The following ARHGEF10 variants were observed in gnomAD, a reference collection of about 807,000 sequenced individuals.
ARHGEF10 encodes the protein Rho guanine nucleotide exchange factor 10, also known as Rho guanine nucleotide exchange factor (GEF) 10.
A neutral mutation model predicts 147.4 loss-of-function variants in ARHGEF10; 140 were observed. The observed-to-expected ratio is 0.95, with a 90% CI of 0.83 to 1.09. ARHGEF10 has a LOEUF of 1.09. Ranked by LOEUF, ARHGEF10 falls within the 50% of genes least tolerant of loss-of-function variation. ARHGEF10 has a pLI of 0.00. For missense variants in ARHGEF10, 2,222 were observed against 1,752.7 expected, an observed-to-expected ratio of 1.27 and a Z score of -4.78; for synonymous variants, 902 against 695.8, an observed-to-expected ratio of 1.30 and a Z score of -4.67.
intron 11 of ARHGEF10, among the ~76,000 whole-genome samples, chr8:1,891,840 C>T (rs1809553339): frequency 6.6e-6 from 1 of 151,986 alleles, no homozygotes; most frequent in African/African-American, 2.4e-5. Flanking sequence ...AGCCATGAAA[C>T]CCAGAATATT....
At chr8:1,862,809 C>T (rs1328651522) in intron 4 of ARHGEF10, among the ~76,000 whole-genome samples, 31 of 142,490 alleles carry the variant, frequency 2.2e-4, no homozygotes, top group South Asian at 4.5e-4. Context: ...GACAGAGTCT[C>T]GCTCTGTCGC....
Position 1,843,729 on chromosome 8 carries a change from C to T in ARHGEF10, c.37+293C>T, listed in dbSNP as rs117938694. On this transcript the variant is annotated intron_variant, in intron 2 of 28. Coordinates refer to ENST00000349830, the MANE Select transcript of ARHGEF10 (RefSeq NM_014629.4). ...AAGATTCCCCTTAGCCTGATGCAATCGGAGATGGAGCGGGAGGGTTGTTAC... is the reference window on the plus strand; with the variant it reads ...AAGATTCCCCTTAGCCTGATGCAATTGGAGATGGAGCGGGAGGGTTGTTAC... 5.5e-3 allele frequency among the ~76,000 whole-genome samples: 831 copies of T among 152,294 alleles called. 4 individuals are homozygous for T. Among genetic ancestry groups the T allele is most frequent in the Middle Eastern group, 0.017 (5 of 294 alleles).
chr8:1,862,391 T>C (rs1293847491), intron 4 of ARHGEF10, among the ~76,000 whole-genome samples: 1 of 152,256 alleles, frequency 6.6e-6, no homozygotes, highest in East Asian at 1.9e-4. Flanking sequence ...AAACCAGCTC[T>C]CAAAGACGTC....
At chr8:1,908,776 C>G (rs1452377372) in intron 17 of ARHGEF10, among the ~76,000 whole-genome samples, 1 of 142,494 alleles carries the variant, frequency 7.0e-6, no homozygotes, top group Non-Finnish European at 1.5e-5. Flanking sequence ...AGAAAATAAT[C>G]TGTATAAGTC....
intron 1 of ARHGEF10, among the ~76,000 whole-genome samples, chr8:1,840,432 G>C (rs1439053573): frequency 1.4e-5 from 2 of 142,748 alleles, no homozygotes; most frequent in Non-Finnish European, 3.1e-5. Flanking sequence ...GAAGCTGTCC[G>C]GTGTGGGGAC....
rs181374965 is a variant in ARHGEF10, at chr8:1,886,507, C to T, written c.1182+800C>T. 2.8e-4 allele frequency among the ~76,000 whole-genome samples: 42 copies of T among 152,310 alleles called. No homozygotes were observed. The East Asian group carries it at 6.8e-3, about 25-fold the overall frequency. ...AAAAAGAGATGAAAAGGGATACCTG[C>T]GAGCTGTTCATAATTGACCAGGCTG... is the stretch of plus-strand genomic sequence containing the variant. On this transcript the variant is annotated intron_variant, in intron 11 of 28. Transcript: ENST00000349830.
Position 1,880,292 on chromosome 8 carries a change from C to T in ARHGEF10, c.960+128C>T, listed in dbSNP as rs527761563. 4.5e-5 allele frequency: 32 copies of T among 709,192 alleles called. No homozygotes were observed. In the East Asian group the frequency reaches 4.6e-4, roughly 10 times the overall value. The allele number at this position is 709,192 out of a possible 1,614,324, so 43.9% of individuals were successfully genotyped here. ...GGGTGGTCCGGGGCTCCTGGAATCC[C>T]CCGACGCTTTGGGGCTCACGTGGAC... On this transcript the variant is annotated intron_variant, in intron 9 of 28. Coordinates refer to ENST00000349830, the MANE Select transcript of ARHGEF10 (RefSeq NM_014629.4).
intron 15 of ARHGEF10, among the ~76,000 whole-genome samples, chr8:1,900,655 T>G (rs1364059115): frequency 1.3e-5 from 2 of 152,242 alleles, no homozygotes; most frequent in East Asian, 3.8e-4. Flanking sequence ...TTTTCTTTTT[T>G]GAAAACATAC....
At chr8:1,880,923 G>A (rs1451683154) in intron 9 of ARHGEF10, among the ~76,000 whole-genome samples, 1 of 151,880 alleles carries the variant, frequency 6.6e-6, no homozygotes, top group Non-Finnish European at 1.5e-5. Flanking sequence ...AGCCACAGCC[G>A]CCCCCTGGGA....
chr8:1,848,463 G>A (rs1804724489), intron 2 of ARHGEF10, among the ~76,000 whole-genome samples: 2 of 151,628 alleles, frequency 1.3e-5, no homozygotes, highest in African/African-American at 2.4e-5. Context: ...GGGGGCTTCA[G>A]AATAACACAG....
chr8:1,897,971 C>T (rs568505632), intron 14 of ARHGEF10, among the ~76,000 whole-genome samples: 27 of 152,282 alleles, frequency 1.8e-4, no homozygotes, highest in African/African-American at 6.0e-4. Context: ...GCAGAGGGAC[C>T]TGGAGACTCC....
intron 14 of ARHGEF10, among the ~76,000 whole-genome samples, chr8:1,898,006 C>G (rs1293443258): frequency 2.0e-5 from 3 of 152,192 alleles, no homozygotes; most frequent in Non-Finnish European, 4.4e-5. Flanking sequence ...TGCCCAACAG[C>G]CTTGGTAGCA....
chr8:1,923,961 A>T, intron 21 of ARHGEF10, 87 bp downstream of exon 21: 1 of 1,280,248 alleles, frequency 7.8e-7, no homozygotes, highest in African/African-American at 1.5e-5. Context: ...GTTGAGAAGG[A>T]AACTCAGCAG....
chr8:1,861,888 T>G (rs970295997), intron 4 of ARHGEF10, among the ~76,000 whole-genome samples: 1 of 152,256 alleles, frequency 6.6e-6, no homozygotes, highest in African/African-American at 2.4e-5. Flanking sequence ...TTTTCTTATT[T>G]TAAAATATTA....
In ARHGEF10 at chr8:1,836,073, C is replaced by T. The variant is rs529549024; in HGVS notation, c.-47-7280C>T. On this transcript the variant is annotated intron_variant, in intron 1 of 28. Coordinates refer to ENST00000349830, the MANE Select transcript of ARHGEF10 (RefSeq NM_014629.4). ...GCAGGTGCCTGAAGTCCCAGCTACT[C>T]GGGAGGCTGAGGCAGGAGAATGGCG... is the stretch of plus-strand genomic sequence containing the variant. 7.7e-3 allele frequency among the ~76,000 whole-genome samples: 1,164 copies of T among 151,506 alleles called. 18 individuals carry two copies. The highest frequency in any genetic ancestry group is 0.027 in the Middle Eastern group (8 of 292).
chr8:1,923,914 G>A lies in ARHGEF10; in HGVS notation c.2488+40G>A, dbSNP rs145687771. The A allele has an allele frequency of 6.7e-4, 1,065 of 1,584,468 alleles. 3 individuals carry two copies. In the African/African-American group the frequency reaches 0.01, roughly 16 times the overall value. On this transcript the variant is annotated intron_variant, in intron 21 of 28. Transcript: ENST00000349830. ...GCTGAGGCTGAATGAGGCATGCGGCGTGATGATGAATTCCTGCCCACGAGG... is the reference window on the plus strand; with the variant it reads ...GCTGAGGCTGAATGAGGCATGCGGCATGATGATGAATTCCTGCCCACGAGG...
intron 2 of ARHGEF10, among the ~76,000 whole-genome samples, chr8:1,849,312 CA>C (rs1804796874): frequency 2.0e-5 from 3 of 146,636 alleles, no homozygotes; most frequent in African/African-American, 7.8e-5. Flanking sequence ...CCGAGGAGGG[CA>C]TGGGGCAGCC....
intron 11 of ARHGEF10, among the ~76,000 whole-genome samples, chr8:1,887,065 T>G (rs1039553970): frequency 1.3e-5 from 2 of 152,150 alleles, no homozygotes; most frequent in Admixed American, 6.5e-5. Flanking sequence ...TATGAGGCGC[T>G]CAATAGGATG....
At chr8:1,934,581 A>G (rs1311565195) in intron 26 of ARHGEF10, among the ~76,000 whole-genome samples, 2 of 152,210 alleles carry the variant, frequency 1.3e-5, no homozygotes, top group African/African-American at 2.4e-5. Flanking sequence ...TGACATTTCA[A>G]TTCAGTGGGC....
Sources: allele counts gnomAD v4.1 joint callset (sites outside exome capture counted in the v4.1 genomes callset), GRCh38; gene constraint gnomAD v4.1.1; transcripts MANE v1.5; gene names NCBI Gene and HGNC (gene_info 2026-07-23, HGNC 2026-07-21).